Variants in PARD6G observed in about 807,000 individuals in gnomAD.
PARD6G encodes partitioning defective 6 homolog gamma.
Under a neutral mutation model 10.7 loss-of-function variants are expected in PARD6G, and 7 were observed. That is an observed-to-expected ratio of 0.66 (90% CI 0.37 to 1.23). The LOEUF (loss-of-function observed/expected upper bound fraction) is 1.23, where lower values mean the gene tolerates loss of function less well. PARD6G is among the 50% of genes most tolerant of loss of function. PARD6G has a pLI of 0.02. For missense variants in PARD6G, 548 were observed against 571.8 expected, an observed-to-expected ratio of 0.96 and a Z score of 0.42; for synonymous variants, 287 against 269.4, an observed-to-expected ratio of 1.07 and a Z score of -0.64.
intron 1 of PARD6G, among the ~76,000 whole-genome samples, chr18:80,209,875 T>C (rs1419299257): frequency 6.6e-6 from 1 of 152,234 alleles, no homozygotes; most frequent in African/African-American, 2.4e-5. Context: ...TTAAAATGTA[T>C]TCAATGATAA....
chr18:80,165,628 C>T (rs2052730678), intron 2 of PARD6G, among the ~76,000 whole-genome samples: 1 of 152,220 alleles, frequency 6.6e-6, no homozygotes, highest in African/African-American at 2.4e-5. Flanking sequence ...GAAATCTTCA[C>T]AATTTATGTT....
intron 2 of PARD6G, among the ~76,000 whole-genome samples, chr18:80,166,032 C>A (rs547235045): frequency 6.6e-6 from 1 of 152,032 alleles, no homozygotes; most frequent in Non-Finnish European, 1.5e-5. Context: ...GAGCTGAGAT[C>A]GTGCCATTGC....
At chr18:80,243,516 G>C (rs1408748625) in intron 1 of PARD6G, among the ~76,000 whole-genome samples, 3 of 152,078 alleles carry the variant, frequency 2.0e-5, no homozygotes, top group Non-Finnish European at 4.4e-5. Flanking sequence ...AATTTCCTAC[G>C]ATGACACTGT....
chr18:80,216,715 G>GA (rs1967170834), intron 1 of PARD6G, among the ~76,000 whole-genome samples: 1 of 151,958 alleles, frequency 6.6e-6, no homozygotes, highest in African/African-American at 2.4e-5. Context: ...AATGAAAAAG[G>GA]AAATGCAAAC....
At position 80,160,519 on chromosome 18, in the gene PARD6G, C is replaced by A. The variant is rs868324706; in HGVS notation, c.383G>T (p.Arg128Leu). Residue 128 changes from arginine (R) to leucine (L), a missense_variant, in exon 3 of 3, where the codon CGG becomes CTG. Around this residue, in one of 2 missense-constraint regions of PARD6G, gnomAD observed 235 missense variants for 291.9 expected, o/e 0.81. Transcript: ENST00000353265. ...GAGGCCGATGTCCAGGTGTGCACGC[C>A]GCCGGGGTCCTTCATCACGCAGCGC... ...LGALRDEGPRRRAHLDIGLPR... is the reference protein window; with the variant it reads ...LGALRDEGPRLRAHLDIGLPR... 1.3e-6 allele frequency: 2 copies of A among 1,519,352 alleles called. No homozygotes were observed. The highest frequency in any genetic ancestry group is 2.3e-5 in the East Asian group (1 of 42,744). 94.1% of individuals were successfully genotyped at this position (1,519,352 alleles called of 1,614,324 possible). A position where few individuals can be genotyped will look rare whatever the true frequency, so the allele number is the denominator to read the frequency against.
At chr18:80,215,971 G>C (rs142966845) in intron 1 of PARD6G, among the ~76,000 whole-genome samples, 1 of 152,108 alleles carries the variant, frequency 6.6e-6, no homozygotes, top group East Asian at 1.9e-4. Flanking sequence ...AAAGACAGCT[G>C]AAGTGGCTAT....
At position 80,182,821 on chromosome 18, in the gene PARD6G, T is replaced by C. The variant is rs976399932; in HGVS notation, c.295+19889A>G. 2.9e-5 allele frequency: 11 copies of C among 373,432 alleles called. No individual in the cohort carries two copies. Among genetic ancestry groups the C allele is most frequent in the African/African-American group, 2.3e-4 (11 of 48,492 alleles). 23.1% of individuals were successfully genotyped at this position (373,432 alleles called of 1,614,324 possible). ...CTTTTAAAAATGACAAGTTACTATT[T>C]TGGGCAGGACAAATGTTCCCAGAGA... On this transcript the variant is annotated intron_variant, in intron 2 of 2. Transcript: ENST00000353265. The surrounding 1 kb of genome is among the most constrained non-coding windows in gnomAD (Gnocchi z 4.5).
At chr18:80,205,241 G>A (rs1408263899) in intron 1 of PARD6G, among the ~76,000 whole-genome samples, 1 of 152,218 alleles carries the variant, frequency 6.6e-6, no homozygotes, top group Non-Finnish European at 1.5e-5. Flanking sequence ...GGTACAGCAT[G>A]TAGGCGATGC....
rs2052682953 is a variant in PARD6G at position 80,159,818 on chromosome 18, G to T, written c.1084C>A (p.Leu362Met). The change falls in exon 3 of 3, where the codon CTG (leucine) becomes ATG (methionine). Residue 362 changes from leucine (L) to methionine (M), a missense_variant. Physicochemically the swap from Leu to Met is conservative, Grantham distance 15 (BLOSUM62 2). This residue lies in a region of PARD6G where 313 missense variants were observed against 279.9 expected (regional missense o/e 1.12). Coordinates refer to ENST00000353265, the MANE Select transcript of PARD6G (RefSeq NM_032510.4). ...TGCTCCTCCACGCCGCCTGGCGGCA[G>T]CGCCAGGCTGTGACGGGGGTCGGCC... ...LRADPRHSLALPPGGVEEHGP... is the reference protein window; with the variant it reads ...LRADPRHSLAMPPGGVEEHGP... 6.8e-7 allele frequency: 1 copy of T among 1,479,374 alleles called. No individual in the cohort carries two copies. Among genetic ancestry groups the T allele is most frequent in the African/African-American group, 1.5e-5 (1 of 67,498 alleles). The allele number at this position is 1,479,374 out of a possible 1,614,324, so 91.6% of individuals were successfully genotyped here. A position where few individuals can be genotyped will look rare whatever the true frequency, so the allele number is the denominator to read the frequency against.
chr18:80,210,647 TA>T (rs1041046529), intron 1 of PARD6G, among the ~76,000 whole-genome samples: 6 of 152,004 alleles, frequency 3.9e-5, no homozygotes, highest in South Asian at 2.1e-4. Flanking sequence ...GATCAAAGTT[TA>T]AAAAAAAGTT....
In PARD6G at chr18:80,188,464, T is replaced by A. The variant is rs375886541; in HGVS notation, c.295+14246A>T. ...TGCCTTCCACCTGCAATTCCCGTCC[T>A]GGGCAGCAGAAGTTGCCCTGCCCCA... On this transcript the variant is annotated intron_variant, in intron 2 of 2. Transcript: ENST00000353265. This position sits in a 1 kb window ranked among gnomAD's most constrained non-coding sequence, Gnocchi z 5.4. Among the ~76,000 whole-genome samples the A allele has an allele frequency of 6.6e-6, 1 of 152,202 alleles. No individual in the cohort carries two copies. Among genetic ancestry groups the A allele is most frequent in the East Asian group, 1.9e-4 (1 of 5,192 alleles).
chr18:80,176,804 T>A (rs974355846), intron 2 of PARD6G, among the ~76,000 whole-genome samples: 7 of 152,062 alleles, frequency 4.6e-5, no homozygotes, highest in African/African-American at 1.7e-4. Context: ...AGGCAAAACA[T>A]GATCTATGTA....
At chr18:80,217,011 T>G (rs559454942) in intron 1 of PARD6G, among the ~76,000 whole-genome samples, 1 of 152,228 alleles carries the variant, frequency 6.6e-6, no homozygotes, top group East Asian at 1.9e-4. Flanking sequence ...CAAGACTCCT[T>G]GGAGAAATGA....
At position 80,160,173 on chromosome 18, in the gene PARD6G, G is replaced by A. The variant is rs374932386; in HGVS notation, c.729C>T (p.Leu243=). The part of the protein sequence containing the change: ...TDMMIANSHN[L]IVTVKPANQR... ...GGTTGGCGGGCTTGACGGTGACGATGAGGTTGTGGCTGTTGGCGATCATCA... is the reference window on the plus strand; with the variant it reads ...GGTTGGCGGGCTTGACGGTGACGATAAGGTTGTGGCTGTTGGCGATCATCA... Residue 243 remains leucine, a synonymous_variant, in exon 3 of 3, where the codon CTC becomes CTT. Transcript: ENST00000353265. 1,507 of 1,613,484 alleles carry A rather than the reference G, an allele frequency of 9.3e-4. 35 individuals carry two copies. The South Asian group carries it at 0.016, about 17-fold the overall frequency.
rs767458102 is a variant in PARD6G at position 80,160,057 on chromosome 18, G to T, written c.845C>A (p.Pro282Gln). The change falls in exon 3 of 3, where the codon CCG becomes CAG. Residue 282 changes from proline to glutamine, a missense_variant. Physicochemically the swap from Pro to Gln is moderately conservative, Grantham distance 76. Around this residue, in one of 2 missense-constraint regions of PARD6G, gnomAD observed 313 missense variants for 279.9 expected, o/e 1.12. Transcript: ENST00000353265. ...GTAGFVGPPA[P>Q]RVLQNFHPDE... ...GGGGTGGAAGTTCTGCAGGACGCGC[G>T]GGGCGGGGGGACCCACGAAGCCCGC... The T allele has an allele frequency of 6.4e-7, 1 of 1,551,044 alleles. No individual in the cohort carries two copies. The highest frequency in any genetic ancestry group is 8.7e-7 in the Non-Finnish European group (1 of 1,154,424).
chr18:80,224,206 C>T (rs907596511), intron 1 of PARD6G, among the ~76,000 whole-genome samples: 19 of 152,198 alleles, frequency 1.2e-4, no homozygotes, highest in African/African-American at 4.3e-4. Context: ...AAGGATAACT[C>T]ATCACCATTA....
rs572860671 is a variant in PARD6G, at chr18:80,231,292, C to T, written c.72+15985G>A. On this transcript the variant is annotated intron_variant, in intron 1 of 2. Transcript: ENST00000353265. The surrounding 1 kb of genome is among the most constrained non-coding windows in gnomAD (Gnocchi z 4.2). Reference sequence around the variant, plus strand: ...GCGTGAGCACAGGCTGCGCATCTGTCCCTGCCTTCATAAGACTTTCCTGAA... The same window carrying T: ...GCGTGAGCACAGGCTGCGCATCTGTTCCTGCCTTCATAAGACTTTCCTGAA... Among the ~76,000 whole-genome samples, 10 of 152,332 alleles carry T rather than the reference C, an allele frequency of 6.6e-5. No homozygotes were observed. In the South Asian group the frequency reaches 2.1e-3, roughly 32 times the overall value.
chr18:80,194,542 T>C (rs1191939444), intron 2 of PARD6G, among the ~76,000 whole-genome samples: 1 of 152,170 alleles, frequency 6.6e-6, no homozygotes, highest in African/African-American at 2.4e-5. Flanking sequence ...CTAAATGTTC[T>C]CAGGCAGAGG....
intron 2 of PARD6G, among the ~76,000 whole-genome samples, chr18:80,163,626 GGCA>G (rs1264777855): frequency 6.6e-6 from 1 of 152,184 alleles, no homozygotes; most frequent in Non-Finnish European, 1.5e-5. Flanking sequence ...ATCCCCACAG[GGCA>G]GCAAGTGCTC....
Sources: allele counts gnomAD v4.1 joint callset (sites outside exome capture counted in the v4.1 genomes callset), GRCh38; gene constraint gnomAD v4.1.1; regional missense constraint gnomAD v4.1.1; non-coding constraint Gnocchi (gnomAD v3.1); transcripts MANE v1.5; gene names NCBI Gene and HGNC (gene_info 2026-07-23, HGNC 2026-07-21).